Variants in SETD2 observed in about 807,000 individuals in gnomAD.
The protein encoded by SETD2 is SET domain containing 2, histone lysine methyltransferase.
Under a neutral mutation model 242.1 loss-of-function variants are expected in SETD2, and 31 were observed. That is an observed-to-expected ratio of 0.13 (90% confidence interval 0.10 to 0.17). SETD2 has a LOEUF of 0.17. Ranked by LOEUF, SETD2 falls within the 10% of genes least tolerant of loss-of-function variation. The pLI is 1.00. For synonymous variants in SETD2, 1,006 were observed against 1,066.5 expected, an observed-to-expected ratio of 0.94 and a Z score of 1.11; for missense variants, 2,481 against 3,046.3, an observed-to-expected ratio of 0.81 and a Z score of 4.37.
At chr3:47,089,984 A>G (rs1272914838) in intron 9 of SETD2, among the ~76,000 whole-genome samples, 1 of 152,212 alleles carries the variant, frequency 6.6e-6, no homozygotes, top group African/African-American at 2.4e-5. Context: ...GCAGTGGCTC[A>G]TGTCTACAAT....
rs1399084180 is a variant in SETD2, at chr3:47,123,375, T to C, written c.1261A>G (p.Arg421Gly). ...TCATAATAATGAGATCGTTCTGACC[T>C]GGAATAGGATAAATTAGTTCTAGAG... ...RGSRTNLSYS[R>G]SERSHYYDSD... The change falls in exon 3 of 21, where the codon AGG becomes GGG. Residue 421 changes from arginine (R) to glycine (G), a missense_variant. By Grantham distance (125) the Arg-to-Gly change is moderately radical. Coordinates refer to ENST00000409792, the MANE Select transcript of SETD2 (RefSeq NM_014159.7). 2 of 1,551,696 alleles carry C rather than the reference T, an allele frequency of 1.3e-6. No homozygotes were observed. The highest frequency in any genetic ancestry group is 1.7e-6 in the Non-Finnish European group (2 of 1,146,976).
rs2106680806 is a variant in SETD2, at chr3:47,122,528, G to A, written c.2108C>T (p.Thr703Ile). 1.9e-6 allele frequency: 3 copies of A among 1,614,092 alleles called. No homozygotes were observed. Among genetic ancestry groups the A allele is most frequent in the Non-Finnish European group, 2.5e-6 (3 of 1,179,964 alleles). The change falls in exon 3 of 21, where the codon ACT becomes ATT. Residue 703 changes from threonine to isoleucine, a missense_variant. By Grantham distance (89) the Thr-to-Ile change is moderately conservative. This residue lies in a region of SETD2 where 1,300 missense variants were observed against 1,259.2 expected (regional missense o/e 1.03). Transcript: ENST00000409792. ...GACCAAAGGGGATAATTCCGATCCA[G>A]TCACACTATCATCAGAAGTCATTAA... Reference protein sequence around the residue: ...AVLMTSDDSVTGSELSPLVKA... With the variant: ...AVLMTSDDSVIGSELSPLVKA...
chr3:47,070,397 C>T (rs1178080208), intron 12 of SETD2, among the ~76,000 whole-genome samples: 1 of 152,136 alleles, frequency 6.6e-6, no homozygotes, highest in Admixed American at 6.5e-5. Flanking sequence ...CTAGTCAAGG[C>T]TACATACAAA....
At chr3:47,093,527 G>A (rs560717423) in intron 9 of SETD2, among the ~76,000 whole-genome samples, 1 of 152,092 alleles carries the variant, frequency 6.6e-6, no homozygotes, top group African/African-American at 2.4e-5. Flanking sequence ...CAGGTGATCT[G>A]CCCACCTCGG....
At chr3:47,103,880 C>A (rs2042312628) in intron 6 of SETD2, among the ~76,000 whole-genome samples, 1 of 152,160 alleles carries the variant, frequency 6.6e-6, no homozygotes, top group Admixed American at 6.5e-5. Flanking sequence ...TGCCCATAGG[C>A]AAAATTATCT....
At chr3:47,030,221 TAAA>T (rs1300069945) in intron 18 of SETD2, among the ~76,000 whole-genome samples, 1 of 151,786 alleles carries the variant, frequency 6.6e-6, no homozygotes, top group African/African-American at 2.4e-5. Context: ...CTGTTAAAAA[TAAA>T]AAAGAAATTA....
intron 5 of SETD2, among the ~76,000 whole-genome samples, chr3:47,112,735 G>A (rs187214867): frequency 3.8e-4 from 57 of 151,990 alleles, no homozygotes; most frequent in Non-Finnish European, 4.9e-4. Flanking sequence ...GATTATAGGC[G>A]TGCGCCACCA....
At chr3:47,093,724 T>TA (rs1196624775) in intron 9 of SETD2, among the ~76,000 whole-genome samples, 2 of 152,218 alleles carry the variant, frequency 1.3e-5, no homozygotes, top group Non-Finnish European at 2.9e-5. Flanking sequence ...GTATATGTTC[T>TA]TTCACTTCAG....
At chr3:47,079,847 G>A (rs1005764496) in intron 12 of SETD2, among the ~76,000 whole-genome samples, 18 of 152,190 alleles carry the variant, frequency 1.2e-4, no homozygotes, top group Admixed American at 7.2e-4. Flanking sequence ...ATAAATTTTA[G>A]ACCATTTTTG....
chr3:47,139,970 T>C (rs1454906390), intron 1 of SETD2, among the ~76,000 whole-genome samples: 4 of 152,166 alleles, frequency 2.6e-5, no homozygotes, highest in African/African-American at 9.6e-5. Flanking sequence ...GATCAATATA[T>C]ACCGACTAAA....
chr3:47,094,702 T>C (rs754300148), intron 9 of SETD2, among the ~76,000 whole-genome samples: 6 of 152,230 alleles, frequency 3.9e-5, no homozygotes, highest in Non-Finnish European at 5.9e-5. Flanking sequence ...CAAGGGCAAA[T>C]GATCTTTCAC....
intron 5 of SETD2, among the ~76,000 whole-genome samples, chr3:47,111,483 T>C (rs1303736361): frequency 1.3e-5 from 2 of 152,046 alleles, no homozygotes; most frequent in Non-Finnish European, 2.9e-5. Flanking sequence ...GGCAGGAGGA[T>C]AAATTGAGCC....
chr3:47,116,832 C>G (rs2107729622), intron 3 of SETD2, 78 bp from the exon 4 acceptor site: 1 of 1,035,980 alleles, frequency 9.7e-7, no homozygotes, highest in Admixed American at 2.3e-5. Flanking sequence ...AAATATGTGC[C>G]AAATCTCATT....
At chr3:47,050,979 C>T (rs1488484348) in intron 15 of SETD2, among the ~76,000 whole-genome samples, 1 of 152,000 alleles carries the variant, frequency 6.6e-6, no homozygotes, top group Non-Finnish European at 1.5e-5. Context: ...GTGATCCCCA[C>T]ACCTCGGCTT....
chr3:47,147,323 A>T (rs1183548788), intron 1 of SETD2, among the ~76,000 whole-genome samples: 19 of 126,166 alleles, frequency 1.5e-4, no homozygotes, highest in South Asian at 5.3e-4. Context: ...ACTGCATGTC[A>T]TTTTTTTTTT....
rs186115555 is a variant in SETD2, at chr3:47,105,535, T to A, written c.4839+462A>T. On this transcript the variant is annotated intron_variant, in intron 6 of 20. Coordinates refer to ENST00000409792, the MANE Select transcript of SETD2 (RefSeq NM_014159.7). The stretch of plus-strand genomic sequence containing the variant: ...TCCTCTCTCTTCCATGTTTTTATTT[T>A]CTACCTTGTCATGCAACAGTAACTT... The A allele has an allele frequency of 2.6e-4, 62 of 237,292 alleles. 1 individual carries two copies. The East Asian group carries it at 8.8e-3, about 34-fold the overall frequency. The allele number at this position is 237,292 out of a possible 1,614,324, so 14.7% of individuals were successfully genotyped here.
chr3:47,132,997 T>C (rs2043513031), intron 1 of SETD2, among the ~76,000 whole-genome samples: 1 of 152,204 alleles, frequency 6.6e-6, no homozygotes, highest in African/African-American at 2.4e-5. Flanking sequence ...GTTAATTTCC[T>C]GAATTTGATC....
chr3:47,025,887 A>G (rs538339772), intron 18 of SETD2, among the ~76,000 whole-genome samples: 15 of 152,366 alleles, frequency 9.8e-5, no homozygotes, highest in African/African-American at 3.4e-4. Context: ...TTCAGGACAT[A>G]GGCATGGGCA....
intron 17 of SETD2, among the ~76,000 whole-genome samples, chr3:47,041,632 T>C (rs1190965120): frequency 2.0e-5 from 3 of 152,126 alleles, no homozygotes; most frequent in Admixed American, 1.3e-4. Context: ...GATGGGTGTA[T>C]ATATACACAC....
Sources: allele counts gnomAD v4.1 joint callset (sites outside exome capture counted in the v4.1 genomes callset), GRCh38; gene constraint gnomAD v4.1.1; regional missense constraint gnomAD v4.1.1; transcripts MANE v1.5; gene names NCBI Gene and HGNC (gene_info 2026-07-23, HGNC 2026-07-21).